ATOH8: variants seen among roughly 807,000 people sequenced by gnomAD.
ATOH8 encodes the protein atonal bHLH transcription factor 8, also known as transcription factor ATOH8.
Under a neutral mutation model 21.2 loss-of-function variants are expected in ATOH8, and 9 were observed. The ratio of observed to expected loss-of-function variants is 0.42; its 90% CI spans 0.26 to 0.74. The LOEUF is 0.74. ATOH8 is among the 30% of genes least tolerant of loss of function. The pLI, the probability that ATOH8 is intolerant of heterozygous loss-of-function variation, is 0.24. For missense variants in ATOH8, 524 were observed against 470.9 expected (o/e 1.11, Z -1.04); for synonymous variants, 253 against 224.0 (o/e 1.13, Z -1.16).
In ATOH8 at chr2:85,788,707, T is replaced by G. The variant is rs925344256; in HGVS notation, c.*1817T>G. Among the ~76,000 whole-genome samples the G allele has an allele frequency of 6.6e-6, 1 of 152,152 alleles. No individual in the cohort carries two copies. Among genetic ancestry groups the G allele is most frequent in the Non-Finnish European group, 1.5e-5 (1 of 68,016 alleles). On this transcript the variant is annotated 3_prime_UTR_variant, in exon 3 of 3. Transcript: ENST00000306279. ...ATACAGGACACAGTTTGTCCCTTGG[T>G]TTCACCAGTGTCACTTTCTCGTCTC...
At chr2:85,759,335 C>T (rs946565054) in intron 1 of ATOH8, among the ~76,000 whole-genome samples, 1 of 152,174 alleles carries the variant, frequency 6.6e-6, no homozygotes, top group Non-Finnish European at 1.5e-5. Context: ...AGGCCTTCCT[C>T]CTGTTCCATC....
At chr2:85,767,499 T>G (rs1055092611) in intron 2 of ATOH8, among the ~76,000 whole-genome samples, 17 of 148,958 alleles carry the variant, frequency 1.1e-4, no homozygotes, top group African/African-American at 4.2e-4. Context: ...ACAGGACATG[T>G]GACTACTGTA....
At chr2:85,773,915 C>G (rs1680258824) in intron 2 of ATOH8, 1 of 191,720 alleles carries the variant, frequency 5.2e-6, no homozygotes, top group South Asian at 1.8e-4. Context: ...CCACGGGATC[C>G]TCTCTCCTTG....
Position 85,769,221 on chromosome 2 carries a change from A to G in ATOH8, c.960+5039A>G, listed in dbSNP as rs116521772. Among the ~76,000 whole-genome samples the G allele has an allele frequency of 5.9e-3, 904 of 152,362 alleles. 12 individuals are homozygous for G. The highest frequency in any genetic ancestry group is 0.021 in the African/African-American group (867 of 41,582). On this transcript the variant is annotated intron_variant, in intron 2 of 2. Coordinates refer to ENST00000306279, the MANE Select transcript of ATOH8 (RefSeq NM_032827.7). ...AGGTAGTATAATACTAACTACAACA[A>G]CAGCTACTCAAATTGATAGCATGTT...
intron 1 of ATOH8, chr2:85,761,012 T>G (rs1015005749): frequency 1.3e-5 from 2 of 152,280 alleles, no homozygotes; most frequent in Non-Finnish European, 2.9e-5. Context: ...GGGGTGCCTC[T>G]GAGCTGGGCT....
chr2:85,780,920 C>G (rs568167522), intron 2 of ATOH8: 3 of 986,504 alleles, frequency 3.0e-6, no homozygotes, highest in Non-Finnish European at 3.6e-6. Context: ...CCAGGCCAGG[C>G]AGGCAGGAGG....
rs780614263 is a variant in ATOH8 at position 85,785,362 on chromosome 2, A to G, written c.961-1523A>G. On this transcript the variant is annotated intron_variant, in intron 2 of 2. Coordinates refer to ENST00000306279, the MANE Select transcript of ATOH8 (RefSeq NM_032827.7). The surrounding 1 kb of genome is among the most constrained non-coding windows in gnomAD (Gnocchi z 4.1). ...AAGCAGATTCCTGCTGGGGCCAGCC[A>G]TGCACAGTGGGCTTGGAGAATGTGA... Among the ~76,000 whole-genome samples the G allele has an allele frequency of 7.2e-5, 11 of 152,260 alleles. No individual in the cohort carries two copies. The highest frequency in any genetic ancestry group is 1.6e-4 in the Non-Finnish European group (11 of 68,040).
At chr2:85,783,246 G>A (rs1483944101) in intron 2 of ATOH8, among the ~76,000 whole-genome samples, 2 of 152,174 alleles carry the variant, frequency 1.3e-5, no homozygotes, top group Admixed American at 6.5e-5. Context: ...CATTCTCAAG[G>A]TTAATCTTAG....
chr2:85,771,121 GTTCT>G (rs999050715), intron 2 of ATOH8, among the ~76,000 whole-genome samples: 11 of 152,200 alleles, frequency 7.2e-5, no homozygotes, highest in Non-Finnish European at 1.5e-4. Context: ...GAACGCTGTG[GTTCT>G]TTCTGGTGCT....
intron 2 of ATOH8, among the ~76,000 whole-genome samples, chr2:85,772,346 C>G (rs907740936): frequency 6.6e-6 from 1 of 152,198 alleles, no homozygotes. Context: ...TTCTGCGAGG[C>G]GGGCCTGCTG....
Position 85,754,476 on chromosome 2 carries a change from G to T in ATOH8, c.287G>T (p.Arg96Leu). 9 of 1,460,122 alleles carry T rather than the reference G, an allele frequency of 6.2e-6. No individual in the cohort carries two copies. Among genetic ancestry groups the T allele is most frequent in the Non-Finnish European group, 8.1e-6 (9 of 1,115,728 alleles). The allele number at this position is 1,460,122 out of a possible 1,614,324, so 90.4% of individuals were successfully genotyped here. ...GGGGGCACGGACACAGCCGGGGAGCGCGGGGGCTCTCGGGCGCCCGAGGTC... is the reference window on the plus strand; with the variant it reads ...GGGGGCACGGACACAGCCGGGGAGCTCGGGGGCTCTCGGGCGCCCGAGGTC... ...PRGGTDTAGE[R>L]GGSRAPEVSD... Residue 96 changes from arginine (R) to leucine (L), a missense_variant, in exon 1 of 3, where the codon CGC (arginine) becomes CTC (leucine). Physicochemically the swap from Arg to Leu is moderately radical, Grantham distance 102. Coordinates refer to ENST00000306279, the MANE Select transcript of ATOH8 (RefSeq NM_032827.7).
intron 2 of ATOH8, 27 bp from the exon 3 acceptor site, chr2:85,786,858 C>G: frequency 6.2e-7 from 1 of 1,613,848 alleles, no homozygotes; most frequent in Non-Finnish European, 8.5e-7. Context: ...GCAGGGGCAG[C>G]TTTTAATGGC....
At position 85,789,638 on chromosome 2, in the gene ATOH8, A is replaced by C. The variant is rs748142975; in HGVS notation, c.*2748A>C. On this transcript the variant is annotated 3_prime_UTR_variant, in exon 3 of 3. Transcript: ENST00000306279. ...TATTAAATATTGATATGAAGTATTG[A>C]TGCCCAATTTCATCTCCAGAAATTC... Among the ~76,000 whole-genome samples the C allele has an allele frequency of 2.6e-5, 4 of 152,246 alleles. No homozygotes were observed. The highest frequency in any genetic ancestry group is 9.6e-5 in the African/African-American group (4 of 41,466).
At chr2:85,779,858 G>T (rs1053108754) in intron 2 of ATOH8, among the ~76,000 whole-genome samples, 1 of 152,236 alleles carries the variant, frequency 6.6e-6, no homozygotes, top group Non-Finnish European at 1.5e-5. Flanking sequence ...GTAAATGGTG[G>T]CACTGAACAC....
intron 1 of ATOH8, among the ~76,000 whole-genome samples, chr2:85,761,832 TGGACTCTGGCTG>T (rs902777902): frequency 5.3e-5 from 8 of 152,180 alleles, no homozygotes; most frequent in Non-Finnish European, 1.2e-4. Flanking sequence ...CAGGATTCCC[TGGACTCTGGCTG>T]GGAACGAGCA....
chr2:85,790,215 G>A lies in ATOH8; in HGVS notation c.*3325G>A, dbSNP rs78724028. On this transcript the variant is annotated 3_prime_UTR_variant, in exon 3 of 3. Coordinates refer to ENST00000306279, the MANE Select transcript of ATOH8 (RefSeq NM_032827.7). The stretch of plus-strand genomic sequence containing the variant: ...ACACTCTCCTTGTCTTGTCTGCTCT[G>A]GGTCACCAGGCACAGGCCATAAAGG... Among the ~76,000 whole-genome samples the A allele has an allele frequency of 1.2e-3, 186 of 152,306 alleles. 3 individuals carry two copies. In the East Asian group the frequency reaches 0.035, roughly 28 times the overall value.
At chr2:85,786,600 G>A (rs1680626792) in intron 2 of ATOH8, among the ~76,000 whole-genome samples, 1 of 152,156 alleles carries the variant, frequency 6.6e-6, no homozygotes, top group African/African-American at 2.4e-5. Context: ...AGGTGTCCCC[G>A]AGCTTCCAGC....
intron 2 of ATOH8, among the ~76,000 whole-genome samples, chr2:85,780,059 G>T (rs928021501): frequency 6.6e-6 from 1 of 152,212 alleles, no homozygotes; most frequent in South Asian, 2.1e-4. Context: ...TGCGGTGGGT[G>T]TGGGGCTGGT....
At chr2:85,775,522 T>G (rs1680297460) in intron 2 of ATOH8, among the ~76,000 whole-genome samples, 1 of 152,198 alleles carries the variant, frequency 6.6e-6, no homozygotes, top group Non-Finnish European at 1.5e-5. Flanking sequence ...GGGCTGGCAT[T>G]TTTCATAGTT....
Sources: allele counts gnomAD v4.1 joint callset (sites outside exome capture counted in the v4.1 genomes callset), GRCh38; gene constraint gnomAD v4.1.1; non-coding constraint Gnocchi (gnomAD v3.1); transcripts MANE v1.5; gene names NCBI Gene and HGNC (gene_info 2026-07-23, HGNC 2026-07-21).